The following MCPH1 variants were observed in gnomAD, a reference collection of about 807,000 sequenced individuals.
The protein encoded by MCPH1 is microcephalin.
A neutral mutation model predicts 84.5 loss-of-function variants in MCPH1; 104 were observed. The ratio of observed to expected loss-of-function variants is 1.23; its 90% CI spans 1.05 to 1.45. The LOEUF (loss-of-function observed/expected upper bound fraction) is 1.45, where lower values mean the gene tolerates loss of function less well. Ranked by LOEUF, MCPH1 falls within the 40% of genes most tolerant of loss-of-function variation. MCPH1 has a pLI of 0.00. For synonymous variants in MCPH1, 514 were observed against 366.8 expected (o/e 1.40, Z -4.58); for missense variants, 1,498 against 1,005.7 (o/e 1.49, Z -6.62).
rs556452527 is a variant in MCPH1, at chr8:6,425,183, C to G, written c.234-6316C>G. ...AATAAGCTCATCACAGCACGGCTTC[C>G]CGAGGAGAACGTTGCTGCTTTGATT... is the stretch of plus-strand genomic sequence containing the variant. On this transcript the variant is annotated intron_variant, in intron 3 of 13. Transcript: ENST00000344683. Among the ~76,000 whole-genome samples, 13 of 152,266 alleles carry G rather than the reference C, an allele frequency of 8.5e-5. No individual in the cohort carries two copies. The South Asian group carries it at 2.5e-3, about 29-fold the overall frequency.
intron 10 of MCPH1, among the ~76,000 whole-genome samples, chr8:6,479,652 T>C (rs1808939161): frequency 6.6e-6 from 1 of 151,992 alleles, no homozygotes; most frequent in Admixed American, 6.6e-5. Context: ...GTTGTATATA[T>C]CACAGTGTGG....
At chr8:6,573,754 C>T (rs997071181) in intron 12 of MCPH1, among the ~76,000 whole-genome samples, 1 of 152,158 alleles carries the variant, frequency 6.6e-6, no homozygotes, top group African/African-American at 2.4e-5. Flanking sequence ...ACCTGCCCAC[C>T]CCACTCTCCA....
chr8:6,434,413 G>A (rs543104502), intron 4 of MCPH1, among the ~76,000 whole-genome samples: 1 of 152,298 alleles, frequency 6.6e-6, no homozygotes, highest in Non-Finnish European at 1.5e-5. Context: ...TCCCGGACCT[G>A]TGGCTATAAA....
intron 12 of MCPH1, among the ~76,000 whole-genome samples, chr8:6,576,107 G>C (rs1266394073): frequency 2.0e-5 from 3 of 150,948 alleles, no homozygotes; most frequent in African/African-American, 7.3e-5. Flanking sequence ...CTACCTTGCA[G>C]CCTCCACCAA....
chr8:6,472,570 C>A (rs1056130443), intron 9 of MCPH1, among the ~76,000 whole-genome samples: 1 of 152,008 alleles, frequency 6.6e-6, no homozygotes, highest in Non-Finnish European at 1.5e-5. Context: ...GGTTTCAAGC[C>A]ATTCTCCTGC....
At chr8:6,473,975 T>G in intron 9 of MCPH1, 1 of 1,139,370 alleles carries the variant, frequency 8.8e-7, no homozygotes, top group Non-Finnish European at 1.3e-6. Flanking sequence ...GGCTTCTTCA[T>G]AAAGAACTTG....
intron 12 of MCPH1, among the ~76,000 whole-genome samples, chr8:6,581,138 G>A (rs1827536049): frequency 6.6e-6 from 1 of 152,182 alleles, no homozygotes; most frequent in African/African-American, 2.4e-5. Context: ...AGCATCCATG[G>A]ATTTTGATAT....
chr8:6,638,163 G>C (rs935565011), intron 13 of MCPH1, among the ~76,000 whole-genome samples: 2 of 152,206 alleles, frequency 1.3e-5, no homozygotes, highest in Non-Finnish European at 2.9e-5. Context: ...ACGACTCTAG[G>C]AATATTTGTA....
chr8:6,499,744 G>T (rs1326966286), intron 11 of MCPH1, 108 bp from the exon 12 acceptor site: 1 of 888,520 alleles, frequency 1.1e-6, no homozygotes, highest in Admixed American at 1.8e-5. Context: ...ATCTATTTCA[G>T]ATCTGCGGAG....
intron 12 of MCPH1, among the ~76,000 whole-genome samples, chr8:6,524,060 T>C (rs1817885329): frequency 6.6e-6 from 1 of 152,218 alleles, no homozygotes; most frequent in Non-Finnish European, 1.5e-5. Flanking sequence ...TTTCAAAATA[T>C]AGACACTTTT....
intron 12 of MCPH1, chr8:6,563,258 C>G (rs1471764264): frequency 5.1e-6 from 1 of 196,026 alleles, no homozygotes; most frequent in African/African-American, 2.3e-5. Flanking sequence ...CCGAATCAAT[C>G]ACTTTCCTTT....
intron 11 of MCPH1, among the ~76,000 whole-genome samples, chr8:6,497,841 A>G (rs768501997): frequency 2.1e-4 from 32 of 152,256 alleles, no homozygotes; most frequent in Non-Finnish European, 4.6e-4. Context: ...ACATTAATAT[A>G]ATAGATACAT....
intron 11 of MCPH1, among the ~76,000 whole-genome samples, chr8:6,483,917 C>G (rs1322348403): frequency 1.3e-5 from 2 of 151,998 alleles, no homozygotes; most frequent in Admixed American, 6.6e-5. Context: ...CATTCTATAC[C>G]TTACACGAGC....
chr8:6,613,892 C>T (rs905718826), intron 12 of MCPH1, among the ~76,000 whole-genome samples: 1 of 152,050 alleles, frequency 6.6e-6, no homozygotes, highest in Non-Finnish European at 1.5e-5. Flanking sequence ...GTTTCAGGAG[C>T]CTCCATGACT....
At chr8:6,447,065 G>T in intron 8 of MCPH1, 2 of 985,434 alleles carry the variant, frequency 2.0e-6, no homozygotes, top group Non-Finnish European at 2.4e-6. Flanking sequence ...AGTGCGAGAG[G>T]ATCTTCTACA....
In MCPH1 at chr8:6,570,797, ATTG is replaced by A. The variant is rs1399093857; in HGVS notation, c.2215-50651_2215-50649del. Among the ~76,000 whole-genome samples the A allele has an allele frequency of 2.4e-3, 295 of 125,200 alleles. 5 individuals are homozygous for A. The highest frequency in any genetic ancestry group is 0.012 in the Middle Eastern group (3 of 248). The allele number at this position is 125,200 out of a possible 152,430, so 82.1% of individuals were successfully genotyped here. The stretch of plus-strand genomic sequence containing the variant: ...TGTGAATGACATTTGGAGCAGATGG[ATTG>A]TTGTTTTTTTTTTTTTTTTTTTTTT... On this transcript the variant is annotated intron_variant, in intron 12 of 13. Transcript: ENST00000344683.
rs369741649 is a variant in MCPH1 at position 6,445,133 on chromosome 8, G to C, written c.1411G>C (p.Val471Leu). Residue 471 changes from valine to leucine, a missense_variant, in exon 8 of 14, where the codon GTT becomes CTT. Transcript: ENST00000344683. ...CTGCGTTGGCAAAAAAACCAGAACA[G>C]TTGACATTACCAATTTCACAGCAAA... ...FSCVGKKTRT[V>L]DITNFTAKTI... The C allele has an allele frequency of 2.5e-6, 4 of 1,614,144 alleles. No individual in the cohort carries two copies. In the African/African-American group the frequency reaches 4.0e-5, roughly 16 times the overall value.
chr8:6,567,448 G>A (rs1302347817), intron 12 of MCPH1, among the ~76,000 whole-genome samples: 1 of 152,224 alleles, frequency 6.6e-6, no homozygotes, highest in Non-Finnish European at 1.5e-5. Context: ...AGCCTTCTGT[G>A]TGGCTGCTTA....
chr8:6,573,294 A>G (rs1273885788), intron 12 of MCPH1, among the ~76,000 whole-genome samples: 1 of 152,078 alleles, frequency 6.6e-6, no homozygotes, highest in African/African-American at 2.4e-5. Context: ...ACCAGAGCAG[A>G]AGCTGCTACA....
Sources: allele counts gnomAD v4.1 joint callset (sites outside exome capture counted in the v4.1 genomes callset), GRCh38; gene constraint gnomAD v4.1.1; transcripts MANE v1.5; gene names NCBI Gene and HGNC (gene_info 2026-07-23, HGNC 2026-07-21).